Variants in ASXL2 observed in about 807,000 individuals in gnomAD.
The protein encoded by ASXL2 is putative Polycomb group protein ASXL2.
ASXL2 carries 23 observed loss-of-function variants against 122.0 expected under a neutral mutation model. The ratio of observed to expected loss-of-function variants is 0.19; its 90% CI spans 0.14 to 0.27. The LOEUF (loss-of-function observed/expected upper bound fraction) is 0.27. Among genes scored for constraint, ASXL2 ranks in the 10% least tolerant of loss-of-function variants. The pLI is 1.00. For missense variants in ASXL2, 1,518 were observed against 1,713.8 expected (o/e 0.89, Z 2.02); for synonymous variants, 650 against 637.0 (o/e 1.02, Z -0.31).
At chr2:25,838,053 C>T (rs1220975923) in intron 2 of ASXL2, among the ~76,000 whole-genome samples, 4 of 151,800 alleles carry the variant, frequency 2.6e-5, no homozygotes, top group Non-Finnish European at 2.9e-5. Context: ...GAGCCATGAT[C>T]GTGCCACTGC....
At chr2:25,786,771 C>T (rs954122758) in intron 5 of ASXL2, among the ~76,000 whole-genome samples, 68 of 152,054 alleles carry the variant, frequency 4.5e-4, no homozygotes, top group Non-Finnish European at 9.0e-4. Context: ...TGAGAATTTG[C>T]TTGAACCCTG....
At chr2:25,878,083 C>T in intron 1 of ASXL2, 83 bp downstream of exon 1, 1 of 1,559,562 alleles carries the variant, frequency 6.4e-7, no homozygotes. Context: ...GTCCCTGGGC[C>T]AGTGACCTCC....
chr2:25,806,310 A>G lies in ASXL2; in HGVS notation c.171T>C (p.Asn57=), dbSNP rs769135821. The G allele has an allele frequency of 2.0e-5, 33 of 1,612,934 alleles. 2 individuals carry two copies. In the South Asian group the frequency reaches 3.2e-4, roughly 16 times the overall value. ...RSGTSPLACL[N]AMLHTNSRGE... is the part of the protein sequence containing the mutation. Reference sequence around the variant, plus strand: ...CTCTGGAGTTTGTGTGAAGCATTGCATTCAGGCATGCAAGAGGAGAAGTCC... The same window carrying G: ...CTCTGGAGTTTGTGTGAAGCATTGCGTTCAGGCATGCAAGAGGAGAAGTCC... The change falls in exon 4 of 13, where the codon AAT becomes AAC. Residue 57 remains asparagine, a synonymous_variant. Transcript: ENST00000435504.
intron 3 of ASXL2, among the ~76,000 whole-genome samples, chr2:25,813,982 G>A (rs1574429800): frequency 6.6e-6 from 1 of 152,082 alleles, no homozygotes; most frequent in East Asian, 1.9e-4. Context: ...CCCAGGAGGC[G>A]GAGGTTGCAG....
rs368272145 is a variant in ASXL2 at position 25,878,137 on chromosome 2, G to A, written c.57+29C>T. The A allele has an allele frequency of 2.5e-4, 404 of 1,613,042 alleles. 2 individuals carry two copies. The East Asian group carries it at 5.2e-3, about 21-fold the overall frequency. On this transcript the variant is annotated intron_variant, in intron 1 of 12. Coordinates refer to ENST00000435504, the MANE Select transcript of ASXL2 (RefSeq NM_018263.6). The stretch of plus-strand genomic sequence containing the variant: ...GGCGACAAGGGAACAAAATCCTCCC[G>A]GCCTTCCCCTTCGCTCCCTCCCCCT...
intron 3 of ASXL2, among the ~76,000 whole-genome samples, chr2:25,807,986 T>C (rs2089107644): frequency 1.5e-5 from 2 of 131,728 alleles, no homozygotes; most frequent in South Asian, 2.7e-4. Flanking sequence ...AATCAGCTTT[T>C]ACACACACAC....
intron 1 of ASXL2, among the ~76,000 whole-genome samples, chr2:25,846,238 T>C (rs759257286): frequency 1.3e-5 from 2 of 152,106 alleles, no homozygotes; most frequent in Non-Finnish European, 2.9e-5. Flanking sequence ...TCTGGGTTTT[T>C]CCCCCCTTTC....
chr2:25,822,635 C>CACA, intron 3 of ASXL2: 2 of 577,260 alleles, frequency 3.5e-6, no homozygotes, highest in Non-Finnish European at 6.5e-6. Flanking sequence ...TGATCTTTTT[C>CACA]ACAGTATTGA....
At chr2:25,767,451 A>G in intron 8 of ASXL2, 132 bp downstream of exon 8, 1 of 933,426 alleles carries the variant, frequency 1.1e-6, no homozygotes, top group Non-Finnish European at 1.6e-6. Flanking sequence ...CAACAAAAAA[A>G]ACTTATGTCT....
chr2:25,848,688 A>C (rs2089679795), intron 1 of ASXL2, among the ~76,000 whole-genome samples: 1 of 152,090 alleles, frequency 6.6e-6, no homozygotes, highest in African/African-American at 2.4e-5. Flanking sequence ...CTTTTTAGTA[A>C]GGATTTCACT....
In ASXL2 at chr2:25,741,670, G is replaced by A. The variant is rs1052999970; in HGVS notation, c.*359C>T. The A allele has an allele frequency of 1.6e-5, 4 of 257,178 alleles. No individual in the cohort carries two copies. The highest frequency in any genetic ancestry group is 5.6e-5 in the East Asian group (1 of 17,732). The allele number at this position is 257,178 out of a possible 1,614,324, so 15.9% of individuals were successfully genotyped here. A position where few individuals can be genotyped will look rare whatever the true frequency, so the allele number is the denominator to read the frequency against. ...GGAGACAGCTTCCTTTTACCATGCC[G>A]GCATTAAACTTTTCTCAGTCACAAG... On this transcript the variant is annotated 3_prime_UTR_variant, in exon 13 of 13. Transcript: ENST00000435504.
Position 25,749,729 on chromosome 2 carries a change from G to A in ASXL2, c.1827C>T (p.Asp609=). The A allele has an allele frequency of 6.5e-7, 1 of 1,540,170 alleles. No homozygotes were observed. The highest frequency in any genetic ancestry group is 8.7e-7 in the Non-Finnish European group (1 of 1,148,658). Reference sequence around the variant, plus strand: ...GTGGTACTTTTCGCACCTGGATTCTGTCCCCTCTATTGAGAAAGGGCTGTG... The same window carrying A: ...GTGGTACTTTTCGCACCTGGATTCTATCCCCTCTATTGAGAAAGGGCTGTG... ...VSPQPFLNRG[D]RIQVRKVPPL... is the part of the protein sequence containing the mutation. The change falls in exon 12 of 13, where the codon GAC becomes GAT. Residue 609 remains aspartate, a synonymous_variant. Coordinates refer to ENST00000435504, the MANE Select transcript of ASXL2 (RefSeq NM_018263.6).
intron 1 of ASXL2, among the ~76,000 whole-genome samples, chr2:25,860,707 T>C (rs1364125759): frequency 7.2e-6 from 1 of 139,372 alleles, no homozygotes; most frequent in East Asian, 2.2e-4. Flanking sequence ...AGAGACTCCA[T>C]CTCAGAGGAA....
At chr2:25,782,434 T>TG (rs2088660329) in intron 5 of ASXL2, among the ~76,000 whole-genome samples, 1 of 151,892 alleles carries the variant, frequency 6.6e-6, no homozygotes, top group Non-Finnish European at 1.5e-5. Context: ...TAATCCCAAC[T>TG]ACTCAGGAAG....
intron 1 of ASXL2, among the ~76,000 whole-genome samples, chr2:25,860,763 A>C (rs1245168435): frequency 1.3e-5 from 2 of 149,258 alleles, no homozygotes; most frequent in Non-Finnish European, 3.0e-5. Flanking sequence ...CTGTAATCCC[A>C]GCACTTTCGG....
chr2:25,867,263 T>TAC (rs1310049923), intron 1 of ASXL2, among the ~76,000 whole-genome samples: 1 of 152,096 alleles, frequency 6.6e-6, no homozygotes, highest in Non-Finnish European at 1.5e-5. Flanking sequence ...TGTATTGTGC[T>TAC]ACAGAGTATT....
rs1444276495 is a variant in ASXL2 at position 25,790,252 on chromosome 2, T to G, written c.403+9133A>C. ...TGGACTAGAGGAAAAAAATTGGTCCTTGATGATGAATAATTTGAGAATAAA... is the reference window on the plus strand; with the variant it reads ...TGGACTAGAGGAAAAAAATTGGTCCGTGATGATGAATAATTTGAGAATAAA... On this transcript the variant is annotated intron_variant, in intron 5 of 12. Transcript: ENST00000435504. 2.0e-5 allele frequency among the ~76,000 whole-genome samples: 3 copies of G among 147,472 alleles called. No homozygotes were observed. The East Asian group carries it at 6.0e-4, about 29-fold the overall frequency.
chr2:25,822,811 A>C (rs2089328180), intron 3 of ASXL2: 2 of 561,346 alleles, frequency 3.6e-6, no homozygotes, highest in Non-Finnish European at 7.1e-6. Context: ...GGTTCAGATG[A>C]AGACAGGTCT....
At chr2:25,798,108 G>A (rs2088937804) in intron 5 of ASXL2, among the ~76,000 whole-genome samples, 1 of 152,184 alleles carries the variant, frequency 6.6e-6, no homozygotes, top group Admixed American at 6.5e-5. Context: ...ACTTATAAGT[G>A]GGAGCTAAAT....
Sources: gnomAD v4.1 joint callset for allele counts (sites outside exome capture counted in the v4.1 genomes callset) on GRCh38, gnomAD v4.1.1 for gene constraint, MANE v1.5 for transcripts, NCBI Gene and HGNC (gene_info 2026-07-23, HGNC 2026-07-21) for gene names.